The following DGKB variants were observed in gnomAD, a reference collection of about 807,000 sequenced individuals.
The protein encoded by DGKB is 90 kDa diacylglycerol kinase.
DGKB carries 67 observed loss-of-function variants against 114.3 expected under a neutral mutation model. The ratio of observed to expected loss-of-function variants is 0.59; its 90% CI spans 0.48 to 0.72. DGKB has a LOEUF of 0.72. Among genes scored for constraint, DGKB ranks in the 30% least tolerant of loss-of-function variants. The probability of loss-of-function intolerance (pLI) is 0.00; values close to 1 mark genes in which losing one functional copy is unlikely to be tolerated. For missense variants in DGKB, 907 were observed against 975.2 expected, an observed-to-expected ratio of 0.93 and a Z score of 0.93; for synonymous variants, 398 against 323.1, an observed-to-expected ratio of 1.23 and a Z score of -2.49.
chr7:14,354,137 G>C (rs991543415), intron 21 of DGKB, among the ~76,000 whole-genome samples: 1 of 152,048 alleles, frequency 6.6e-6, no homozygotes, highest in Non-Finnish European at 1.5e-5. Context: ...TGATGTCTGA[G>C]ATTATCTGCA....
At chr7:14,882,024 A>G (rs1854307714) in intron 1 of DGKB, among the ~76,000 whole-genome samples, 1 of 151,994 alleles carries the variant, frequency 6.6e-6, no homozygotes, top group Non-Finnish European at 1.5e-5. Flanking sequence ...CATATTTGAA[A>G]TAAGCTTATT....
chr7:14,656,659 T>G (rs762619123), intron 13 of DGKB, among the ~76,000 whole-genome samples: 10 of 151,420 alleles, frequency 6.6e-5, no homozygotes, highest in Non-Finnish European at 1.2e-4. Context: ...AAACCAAATG[T>G]GGCACAAGTT....
At chr7:14,898,976 T>C (rs906596415) in intron 1 of DGKB, among the ~76,000 whole-genome samples, 3 of 152,122 alleles carry the variant, frequency 2.0e-5, no homozygotes, top group Non-Finnish European at 2.9e-5. Context: ...ACTCAGAATA[T>C]CCTTAAAAAA....
At chr7:14,375,028 A>T (rs1467165613) in intron 21 of DGKB, among the ~76,000 whole-genome samples, 1 of 152,138 alleles carries the variant, frequency 6.6e-6, no homozygotes, top group African/African-American at 2.4e-5. Flanking sequence ...AGTTTCCAAA[A>T]CTAAGTCAGT....
chr7:14,665,106 T>C (rs1357080684), intron 13 of DGKB, among the ~76,000 whole-genome samples: 1 of 152,030 alleles, frequency 6.6e-6, no homozygotes, highest in East Asian at 1.9e-4. Context: ...TAACACTATG[T>C]CATTCATAAT....
intron 25 of DGKB, among the ~76,000 whole-genome samples, chr7:14,165,494 C>A (rs1784488481): frequency 6.6e-6 from 1 of 152,130 alleles, no homozygotes; most frequent in Admixed American, 6.5e-5. Context: ...TAAATCCTTT[C>A]TCATGTACTG....
At chr7:14,377,650 A>T (rs1057325796) in intron 21 of DGKB, among the ~76,000 whole-genome samples, 5 of 152,224 alleles carry the variant, frequency 3.3e-5, no homozygotes, top group Non-Finnish European at 5.9e-5. Context: ...ATATTGAAAC[A>T]GTGTATATCC....
intron 13 of DGKB, among the ~76,000 whole-genome samples, chr7:14,640,522 A>T (rs1281017223): frequency 6.6e-5 from 10 of 152,172 alleles, no homozygotes; most frequent in African/African-American, 2.4e-4. Context: ...GAGTATTAGC[A>T]ACAGAATTTC....
chr7:14,728,178 T>A (rs906662950), intron 5 of DGKB, among the ~76,000 whole-genome samples: 11 of 152,216 alleles, frequency 7.2e-5, no homozygotes, highest in Non-Finnish European at 1.6e-4. Context: ...TGGGGACCAA[T>A]GATAAGGCAT....
intron 15 of DGKB, among the ~76,000 whole-genome samples, chr7:14,619,176 T>C (rs1048916051): frequency 2.0e-5 from 3 of 151,374 alleles, no homozygotes; most frequent in South Asian, 2.1e-4. Flanking sequence ...ACTACACATA[T>C]GGTATTTTTT....
At chr7:14,516,831 T>A (rs914749398) in intron 20 of DGKB, among the ~76,000 whole-genome samples, 1 of 152,004 alleles carries the variant, frequency 6.6e-6, no homozygotes, top group African/African-American at 2.4e-5. Context: ...AGATAACACA[T>A]CCATGCTCAT....
intron 23 of DGKB, among the ~76,000 whole-genome samples, chr7:14,274,424 C>G (rs1798702653): frequency 6.6e-6 from 1 of 152,104 alleles, no homozygotes; most frequent in South Asian, 2.1e-4. Context: ...CTAGTTACCC[C>G]AAACTCAAAA....
chr7:14,279,010 G>T (rs1799450924), intron 23 of DGKB, among the ~76,000 whole-genome samples: 1 of 152,160 alleles, frequency 6.6e-6, no homozygotes, highest in South Asian at 2.1e-4. Context: ...GTGGGCGCAG[G>T]TCAGTGGGTG....
chr7:14,593,836 C>A (rs79464734), intron 17 of DGKB, among the ~76,000 whole-genome samples: 61 of 133,890 alleles, frequency 4.6e-4, no homozygotes, highest in South Asian at 2.1e-3. Flanking sequence ...AAGAAAAAAA[C>A]AACACAGGAG....
At chr7:14,318,707 C>T (rs937409765) in intron 23 of DGKB, among the ~76,000 whole-genome samples, 2 of 151,902 alleles carry the variant, frequency 1.3e-5, no homozygotes, top group African/African-American at 2.4e-5. Context: ...AACTAGTTCA[C>T]CCATTGTGGA....
At chr7:14,496,329 T>C (rs1012416035) in intron 20 of DGKB, among the ~76,000 whole-genome samples, 1 of 151,682 alleles carries the variant, frequency 6.6e-6, no homozygotes, top group African/African-American at 2.4e-5. Context: ...ATATTAAAAA[T>C]ATAAAAGTTT....
At chr7:14,869,974 C>T (rs1398444758) in intron 1 of DGKB, among the ~76,000 whole-genome samples, 1 of 151,968 alleles carries the variant, frequency 6.6e-6, no homozygotes, top group South Asian at 2.1e-4. Flanking sequence ...CTTCTCCAAC[C>T]TCTCTATTTT....
chr7:14,183,340 G>C (rs1175028010), intron 23 of DGKB, among the ~76,000 whole-genome samples: 1 of 152,114 alleles, frequency 6.6e-6, no homozygotes, highest in Non-Finnish European at 1.5e-5. Context: ...TGTTTTTCCT[G>C]ACCTACATAA....
intron 13 of DGKB, among the ~76,000 whole-genome samples, chr7:14,642,941 A>G (rs909230198): frequency 6.6e-6 from 1 of 152,184 alleles, no homozygotes; most frequent in African/African-American, 2.4e-5. Flanking sequence ...CTCTCTTTGG[A>G]TAATGCTCAT....
Sources: allele counts gnomAD v4.1 joint callset (sites outside exome capture counted in the v4.1 genomes callset), GRCh38; gene constraint gnomAD v4.1.1; transcripts MANE v1.5; gene names NCBI Gene and HGNC (gene_info 2026-07-23, HGNC 2026-07-21).